Variants in PALLD observed in about 807,000 individuals in gnomAD.
The protein encoded by PALLD is palladin, cytoskeletal associated protein, also known as palladin.
A neutral mutation model predicts 123.5 loss-of-function variants in PALLD; 61 were observed. That is an observed-to-expected ratio of 0.49 (90% CI 0.40 to 0.61). The LOEUF is 0.61. Among genes scored for constraint, PALLD ranks in the 20% least tolerant of loss-of-function variants. The probability of loss-of-function intolerance (pLI) is 0.00; values close to 1 mark genes in which losing one functional copy is unlikely to be tolerated. For missense variants in PALLD, 1,273 were observed against 1,377.0 expected (o/e 0.92, Z 1.20); for synonymous variants, 465 against 496.4 (o/e 0.94, Z 0.84).
chr4:168,830,221 G>T (rs1337855364), intron 10 of PALLD, among the ~76,000 whole-genome samples: 2 of 124,208 alleles, frequency 1.6e-5, no homozygotes, highest in Non-Finnish European at 3.2e-5. Context: ...GACAGAGTGA[G>T]ACTTTGTCTC....
At chr4:168,537,530 A>G (rs1765208934) in intron 2 of PALLD, 1 of 152,218 alleles carries the variant, frequency 6.6e-6, no homozygotes, top group South Asian at 2.1e-4. Context: ...TTAAATTTCA[A>G]TTAAGAAATC....
intron 18 of PALLD, among the ~76,000 whole-genome samples, chr4:168,923,734 G>C (rs973720511): frequency 6.6e-6 from 1 of 152,108 alleles, no homozygotes; most frequent in African/African-American, 2.4e-5. Flanking sequence ...AGATAAAGAT[G>C]CCTCCCCTTT....
chr4:168,821,862 A>C (rs1742761692), intron 10 of PALLD, among the ~76,000 whole-genome samples: 1 of 150,060 alleles, frequency 6.7e-6, no homozygotes, highest in Admixed American at 6.7e-5. Context: ...CCTGGGCAAC[A>C]GAGCAAAACG....
intron 15 of PALLD, among the ~76,000 whole-genome samples, chr4:168,909,086 CTG>C (rs1030433943): frequency 6.6e-6 from 1 of 152,160 alleles, no homozygotes; most frequent in Non-Finnish European, 1.5e-5. Flanking sequence ...TAATGAGTGA[CTG>C]TGCAGTTACA....
At chr4:168,633,603 T>C (rs1266186472) in intron 2 of PALLD, among the ~76,000 whole-genome samples, 1 of 152,066 alleles carries the variant, frequency 6.6e-6, no homozygotes, top group Non-Finnish European at 1.5e-5. Flanking sequence ...TTCTTTTTGC[T>C]ATTGAAAATC....
intron 2 of PALLD, among the ~76,000 whole-genome samples, chr4:168,548,412 A>C (rs779969131): frequency 2.6e-5 from 4 of 152,038 alleles, no homozygotes; most frequent in Non-Finnish European, 5.9e-5. Flanking sequence ...TTATCTTTAC[A>C]CTTCTTTGTT....
intron 2 of PALLD, among the ~76,000 whole-genome samples, chr4:168,630,627 T>G (rs547033970): frequency 6.6e-6 from 1 of 152,320 alleles, no homozygotes; most frequent in South Asian, 2.1e-4. Flanking sequence ...GGTTTCTAAT[T>G]CAAAAATCTG....
rs138425323 is a variant in PALLD, at chr4:168,770,928, C to T, written c.1964+59005C>T. On this transcript the variant is annotated intron_variant, in intron 10 of 21. Transcript: ENST00000505667. ...ACAAGAACTTAGCTGGGCATGGGAGCGGGCACTTGTAGTCCCAACTACTTG... is the reference window on the plus strand; with the variant it reads ...ACAAGAACTTAGCTGGGCATGGGAGTGGGCACTTGTAGTCCCAACTACTTG... Among the ~76,000 whole-genome samples the T allele has an allele frequency of 7.8e-3, 1,192 of 152,118 alleles. 6 individuals are homozygous for T. The highest frequency in any genetic ancestry group is 0.024 in the Middle Eastern group (7 of 294).
At chr4:168,521,596 C>T (rs1214059610) in intron 2 of PALLD, among the ~76,000 whole-genome samples, 2 of 152,162 alleles carry the variant, frequency 1.3e-5, no homozygotes, top group Non-Finnish European at 2.9e-5. Flanking sequence ...CCGCACTCTA[C>T]CTTTTCAAAA....
At chr4:168,827,808 C>G (rs1581664723) in intron 10 of PALLD, among the ~76,000 whole-genome samples, 1 of 152,052 alleles carries the variant, frequency 6.6e-6, no homozygotes, top group South Asian at 2.1e-4. Context: ...TTTGGGAGGC[C>G]GAAGAGGCAG....
intron 2 of PALLD, among the ~76,000 whole-genome samples, chr4:168,582,371 G>T (rs1354422958): frequency 1.3e-5 from 2 of 151,974 alleles, no homozygotes; most frequent in Admixed American, 1.3e-4. Context: ...TTGTGGAGTC[G>T]TTAGGGCTTT....
intron 10 of PALLD, among the ~76,000 whole-genome samples, chr4:168,803,514 G>A (rs988462040): frequency 6.6e-5 from 10 of 151,982 alleles, no homozygotes; most frequent in African/African-American, 2.2e-4. Context: ...GAAAGACCCT[G>A]TCTCTACCAA....
chr4:168,792,146 G>A (rs763762716), intron 10 of PALLD, among the ~76,000 whole-genome samples: 1 of 152,076 alleles, frequency 6.6e-6, no homozygotes, highest in Non-Finnish European at 1.5e-5. Context: ...GCAGAGATTC[G>A]TACCTCTGTA....
intron 10 of PALLD, among the ~76,000 whole-genome samples, chr4:168,808,458 C>T (rs1484941768): frequency 1.3e-5 from 2 of 151,990 alleles, no homozygotes; most frequent in East Asian, 3.9e-4. Context: ...CCAGCCTGGG[C>T]AACAGAGCGA....
chr4:168,540,982 G>C (rs1765554321), intron 2 of PALLD, among the ~76,000 whole-genome samples: 1 of 152,142 alleles, frequency 6.6e-6, no homozygotes, highest in Non-Finnish European at 1.5e-5. Context: ...CTAAATTGTT[G>C]ACCTATCATG....
chr4:168,739,902 A>C (rs1329737369), intron 10 of PALLD, among the ~76,000 whole-genome samples: 1 of 152,146 alleles, frequency 6.6e-6, no homozygotes, highest in African/African-American at 2.4e-5. Context: ...CCTTTGTTTC[A>C]CACTCGTAGC....
intron 10 of PALLD, among the ~76,000 whole-genome samples, chr4:168,767,354 TC>T (rs1733809128): frequency 6.6e-6 from 1 of 152,108 alleles, no homozygotes; most frequent in Non-Finnish European, 1.5e-5. Flanking sequence ...TAGAATGATT[TC>T]CCCCTTTTCA....
intron 2 of PALLD, among the ~76,000 whole-genome samples, chr4:168,625,867 A>G (rs781199078): frequency 5.3e-5 from 8 of 152,196 alleles, no homozygotes; most frequent in Non-Finnish European, 7.3e-5. Flanking sequence ...TTCTGGGTAC[A>G]TAGCCAAAAG....
At chr4:168,641,069 G>A (rs1002306407) in intron 2 of PALLD, among the ~76,000 whole-genome samples, 23 of 152,204 alleles carry the variant, frequency 1.5e-4, no homozygotes, top group South Asian at 4.2e-4. Flanking sequence ...TTAGCCAGGC[G>A]TGGCGGCATG....
Sources: allele counts gnomAD v4.1 joint callset (sites outside exome capture counted in the v4.1 genomes callset), GRCh38; gene constraint gnomAD v4.1.1; transcripts MANE v1.5; gene names NCBI Gene and HGNC (gene_info 2026-07-23, HGNC 2026-07-21).